Variants in NUCB2 observed in about 807,000 individuals in gnomAD.
NUCB2 encodes the protein nucleobindin-2.
Under a neutral mutation model 57.9 loss-of-function variants are expected in NUCB2, and 48 were observed. The observed-to-expected ratio is 0.83, with a 90% CI of 0.66 to 1.05. NUCB2 has a LOEUF of 1.05. NUCB2 is among the 50% of genes least tolerant of loss of function. The pLI is 0.00. For missense variants in NUCB2, 442 were observed against 476.2 expected (o/e 0.93, Z 0.67); for synonymous variants, 139 against 152.1 (o/e 0.91, Z 0.64).
intron 8 of NUCB2, 139 bp from the exon 9 acceptor site, chr11:17,311,733 C>A (rs2138939535): frequency 1.8e-6 from 1 of 544,620 alleles, no homozygotes; most frequent in Non-Finnish European, 3.2e-6. Flanking sequence ...AGCTTCATGA[C>A]AAAGAATAAA....
At chr11:17,278,062 G>T (rs1313564448) in intron 1 of NUCB2, among the ~76,000 whole-genome samples, 1 of 151,502 alleles carries the variant, frequency 6.6e-6, no homozygotes, top group Non-Finnish European at 1.5e-5. Context: ...GTAGTAGGGG[G>T]TCAAATTTTT....
At chr11:17,300,018 TG>T (rs1445416555) in intron 4 of NUCB2, among the ~76,000 whole-genome samples, 2 of 151,282 alleles carry the variant, frequency 1.3e-5, no homozygotes, top group Non-Finnish European at 2.9e-5. Context: ...GTTTTTGTTT[TG>T]TTTTTTTTTG....
At chr11:17,313,914 T>C (rs758906635) in intron 10 of NUCB2, among the ~76,000 whole-genome samples, 1 of 152,124 alleles carries the variant, frequency 6.6e-6, no homozygotes, top group Non-Finnish European at 1.5e-5. Flanking sequence ...CTATATATGC[T>C]CTATATCTGC....
intron 11 of NUCB2, among the ~76,000 whole-genome samples, chr11:17,316,634 T>C (rs1949286410): frequency 6.6e-6 from 1 of 152,202 alleles, no homozygotes; most frequent in Non-Finnish European, 1.5e-5. Context: ...TCAGTATATC[T>C]TGGCAAACTG....
chr11:17,317,130 A>G (rs1284731853), intron 11 of NUCB2, among the ~76,000 whole-genome samples: 1 of 152,238 alleles, frequency 6.6e-6, no homozygotes, highest in Non-Finnish European at 1.5e-5. Context: ...ACATAATTTC[A>G]GATTTACAAG....
chr11:17,317,520 A>G, intron 11 of NUCB2: 1 of 394,174 alleles, frequency 2.5e-6, no homozygotes, highest in Non-Finnish European at 5.1e-6. Context: ...TTTCCCAATA[A>G]TATCCTTTAT....
intron 11 of NUCB2, among the ~76,000 whole-genome samples, chr11:17,322,136 GCTTACGGAT>G (rs1359402546): frequency 6.6e-6 from 1 of 152,050 alleles, no homozygotes; most frequent in Non-Finnish European, 1.5e-5. Context: ...GGTTGTCTGT[GCTTACGGAT>G]ATTACTCAAG....
At chr11:17,296,237 A>G (rs774410246) in intron 4 of NUCB2, 26 bp downstream of exon 4, 3 of 1,388,118 alleles carry the variant, frequency 2.2e-6, no homozygotes, top group African/African-American at 2.9e-5. Flanking sequence ...TAATATATAC[A>G]TATATGTATC....
At chr11:17,338,094 G>GTTC (rs1319654399) in intron 2 of NUCB2, among the ~76,000 whole-genome samples, 1 of 152,168 alleles carries the variant, frequency 6.6e-6, no homozygotes, top group East Asian at 1.9e-4. Context: ...ATCAGCAAGT[G>GTTC]GTGAAGACAC....
At chr11:17,328,843 C>T (rs1224916256) in intron 11 of NUCB2, among the ~76,000 whole-genome samples, 1 of 152,128 alleles carries the variant, frequency 6.6e-6, no homozygotes, top group African/African-American at 2.4e-5. Flanking sequence ...ATCGCCTTTA[C>T]TTTCCCTCTG....
At chr11:17,293,900 CAG>C (rs1945363132) in intron 2 of NUCB2, among the ~76,000 whole-genome samples, 1 of 152,054 alleles carries the variant, frequency 6.6e-6, no homozygotes, top group African/African-American at 2.4e-5. Flanking sequence ...AAAAGGGTAA[CAG>C]TGAGTGACTG....
chr11:17,290,363 C>T (rs1422863688), intron 2 of NUCB2, among the ~76,000 whole-genome samples: 2 of 152,142 alleles, frequency 1.3e-5, no homozygotes, highest in African/African-American at 2.4e-5. Flanking sequence ...TGCATGTACA[C>T]ATAACAAAGA....
chr11:17,308,397 A>G (rs1007356216), intron 5 of NUCB2, among the ~76,000 whole-genome samples: 6 of 152,256 alleles, frequency 3.9e-5, no homozygotes, highest in African/African-American at 1.4e-4. Flanking sequence ...ATTCATATAC[A>G]TGTGAAACAT....
chr11:17,312,405 ATTTT>A (rs201161740), intron 10 of NUCB2, among the ~76,000 whole-genome samples: 1 of 137,630 alleles, frequency 7.3e-6, no homozygotes. Context: ...CCTACCTAAT[ATTTT>A]TTTTTTTTTT....
At chr11:17,292,097 A>G (rs562288143) in intron 2 of NUCB2, among the ~76,000 whole-genome samples, 1 of 152,234 alleles carries the variant, frequency 6.6e-6, no homozygotes, top group East Asian at 1.9e-4. Context: ...GAATAAATAG[A>G]TAATAGAATT....
chr11:17,279,452 C>A (rs1942078865), intron 1 of NUCB2, among the ~76,000 whole-genome samples: 2 of 152,184 alleles, frequency 1.3e-5, no homozygotes, highest in South Asian at 4.1e-4. Flanking sequence ...CTCCTTTATC[C>A]TAGAGGGATA....
chr11:17,303,175 A>G (rs748863862), intron 5 of NUCB2, among the ~76,000 whole-genome samples: 22 of 152,182 alleles, frequency 1.4e-4, no homozygotes, highest in Non-Finnish European at 3.1e-4. Context: ...AAGGGATACT[A>G]TCTGTCTACT....
In NUCB2 at chr11:17,309,682, A is replaced by G; in HGVS notation, c.483+7A>G. Reference sequence around the variant, plus strand: ...AGATATGCTAATCAAAGCGGTGAGAATAATTCCAAAAAGTTTTGTCTTTAT... The same window carrying G: ...AGATATGCTAATCAAAGCGGTGAGAGTAATTCCAAAAAGTTTTGTCTTTAT... On this transcript the variant is annotated splice_region_variant and intron_variant, in intron 6 of 13. Coordinates refer to ENST00000529010, the MANE Select transcript of NUCB2 (RefSeq NM_005013.4). 6.4e-7 allele frequency: 1 copy of G among 1,560,574 alleles called. No individual in the cohort carries two copies. The highest frequency in any genetic ancestry group is 8.7e-7 in the Non-Finnish European group (1 of 1,153,440).
At chr11:17,345,317 T>A (rs1952625869) in intron 2 of NUCB2, among the ~76,000 whole-genome samples, 1 of 152,172 alleles carries the variant, frequency 6.6e-6, no homozygotes, top group African/African-American at 2.4e-5. Flanking sequence ...GGTTTACATA[T>A]CCTATTTTAA....
Sources: gnomAD v4.1 joint callset for allele counts (sites outside exome capture counted in the v4.1 genomes callset) on GRCh38, gnomAD v4.1.1 for gene constraint, MANE v1.5 for transcripts, NCBI Gene and HGNC (gene_info 2026-07-23, HGNC 2026-07-21) for gene names.